N4BP2L1: variants seen among roughly 807,000 people sequenced by gnomAD.
N4BP2L1 encodes the protein NEDD4-binding protein 2-like 1.
In N4BP2L1, 12 loss-of-function variants were observed where a neutral mutation model predicts 21.2. That is an observed-to-expected ratio of 0.57 (90% CI 0.36 to 0.92). The LOEUF (loss-of-function observed/expected upper bound fraction) is 0.92, where lower values mean the gene tolerates loss of function less well. Among genes scored for constraint, N4BP2L1 ranks in the 40% least tolerant of loss-of-function variants. N4BP2L1 has a pLI of 0.01. For synonymous variants in N4BP2L1, 104 were observed against 112.8 expected (o/e 0.92, Z 0.49); for missense variants, 259 against 310.6 (o/e 0.83, Z 1.25).
chr13:32,422,070 A>T (rs915252805), intron 1 of N4BP2L1, among the ~76,000 whole-genome samples: 15 of 152,250 alleles, frequency 9.9e-5, no homozygotes, highest in African/African-American at 3.4e-4. Context: ...CAGGATAAAT[A>T]TGGAAACGTA....
Position 32,402,811 on chromosome 13 carries a change from CTT to C in N4BP2L1, c.*129_*130del. Reference sequence around the variant, plus strand: ...TTGGTGAAGAAAGTGAATATAATGACTTTGCTCAGAAACTTTTGAGTTCAGCT... The same window carrying C: ...TTGGTGAAGAAAGTGAATATAATGACTGCTCAGAAACTTTTGAGTTCAGCT... On this transcript the variant is annotated 3_prime_UTR_variant, in exon 5 of 5. Coordinates refer to ENST00000380130, the MANE Select transcript of N4BP2L1 (RefSeq NM_052818.3). The C allele has an allele frequency of 1.4e-6, 2 of 1,423,180 alleles. No individual in the cohort carries two copies. The highest frequency in any genetic ancestry group is 1.8e-6 in the Non-Finnish European group (2 of 1,085,548). 88.2% of individuals were successfully genotyped at this position (1,423,180 alleles called of 1,614,324 possible). A position where few individuals can be genotyped will look rare whatever the true frequency, so the allele number is the denominator to read the frequency against.
chr13:32,417,910 G>A (rs1057292854), intron 1 of N4BP2L1, among the ~76,000 whole-genome samples: 2 of 152,182 alleles, frequency 1.3e-5, no homozygotes, highest in Admixed American at 1.3e-4. Flanking sequence ...ACAATTTAGG[G>A]TATCTGGTTG....
At chr13:32,407,040 T>C in intron 3 of N4BP2L1, 2 of 573,320 alleles carry the variant, frequency 3.5e-6, no homozygotes, top group Non-Finnish European at 6.2e-6. Flanking sequence ...ATTTTTAAAT[T>C]GTATCCTCAA....
intron 1 of N4BP2L1, among the ~76,000 whole-genome samples, chr13:32,415,277 A>T (rs1356790565): frequency 2.6e-5 from 4 of 152,178 alleles, no homozygotes; most frequent in African/African-American, 9.7e-5. Context: ...GGGCCCTGAA[A>T]ACTAGTTTTA....
At chr13:32,421,488 G>C (rs1299605161) in intron 1 of N4BP2L1, among the ~76,000 whole-genome samples, 1 of 152,160 alleles carries the variant, frequency 6.6e-6, no homozygotes, top group Non-Finnish European at 1.5e-5. Context: ...AACTTCCCTA[G>C]TAATATAAGA....
In N4BP2L1 at chr13:32,428,038, C is replaced by A; in HGVS notation, c.45G>T (p.Gln15His). 6.5e-7 allele frequency: 1 copy of A among 1,543,242 alleles called. No homozygotes were observed. Among genetic ancestry groups the A allele is most frequent in the Non-Finnish European group, 8.7e-7 (1 of 1,148,132 alleles). Residue 15 changes from glutamine (Q) to histidine (H), a missense_variant, in exon 1 of 5, where the codon CAG (glutamine) becomes CAT (histidine). By Grantham distance (24) the Gln-to-His change is conservative. Coordinates refer to ENST00000380130, the MANE Select transcript of N4BP2L1 (RefSeq NM_052818.3). ...FLQSFGRLSL[Q>H]PQQQQQRQRP... ...GCTGCCGCTGCTGCTGCTGCTGGGG[C>A]TGGAGGCTCAGCCTCCCAAAAGATT...
rs1250817614 is a variant in N4BP2L1 at position 32,402,990 on chromosome 13, T to C, written c.684A>G (p.Thr228=). ...FPNRRAHGGF[T]NESSYHRRGG... ...CCCTTCTGTGATAGGAGCTCTCATT[T>C]GTAAATCCACCGTGGGCCCTCCGGT... The change falls in exon 5 of 5, where the codon ACA becomes ACG. Residue 228 remains threonine (T), a synonymous_variant. Transcript: ENST00000380130. 6.2e-7 allele frequency: 1 copy of C among 1,613,988 alleles called. No individual in the cohort carries two copies. The highest frequency in any genetic ancestry group is 2.2e-5 in the East Asian group (1 of 44,878).
In N4BP2L1 at chr13:32,400,920, G is replaced by C. The variant is rs1434403388; in HGVS notation, c.*2022C>G. 2.0e-5 allele frequency: 3 copies of C among 152,202 alleles called. No homozygotes were observed. Among genetic ancestry groups the C allele is most frequent in the African/African-American group, 7.2e-5 (3 of 41,444 alleles). 9.4% of individuals were successfully genotyped at this position (152,202 alleles called of 1,614,324 possible). ...ACTTCTACAGGGGATAAAGTTGATGGCATTTAATCAATTTTTATGGTTTAC... is the reference window on the plus strand; with the variant it reads ...ACTTCTACAGGGGATAAAGTTGATGCCATTTAATCAATTTTTATGGTTTAC... On this transcript the variant is annotated 3_prime_UTR_variant, in exon 5 of 5. Transcript: ENST00000380130.
At chr13:32,404,686 G>A (rs1252014228) in intron 3 of N4BP2L1, among the ~76,000 whole-genome samples, 2 of 150,976 alleles carry the variant, frequency 1.3e-5, no homozygotes, top group African/African-American at 2.4e-5. Flanking sequence ...AGTTTAAAAC[G>A]TCCTGAACAC....
chr13:32,427,970 T>C lies in N4BP2L1; in HGVS notation c.113A>G (p.His38Arg). The C allele has an allele frequency of 6.5e-7, 1 of 1,549,066 alleles. No individual in the cohort carries two copies. Among genetic ancestry groups the C allele is most frequent in the Non-Finnish European group, 8.7e-7 (1 of 1,148,380 alleles). ...GAGGTAGAGGTGTTTCCTAAAGCTG[T>C]GGCGGCGAGGAGGTGTCCCCCGCGG... ...PPPRGTPPRR[H>R]SFRKHLYLLR... is the part of the protein sequence containing the mutation. Residue 38 changes from histidine to arginine, a missense_variant, in exon 1 of 5, where the codon CAC (histidine) becomes CGC (arginine). His to Arg is a conservative substitution (Grantham distance 29). Around this residue, in one of 3 missense-constraint regions of N4BP2L1, gnomAD observed 60 missense variants for 54.7 expected, o/e 1.10. Transcript: ENST00000380130.
At chr13:32,403,364 A>G (rs542565202) in intron 4 of N4BP2L1, among the ~76,000 whole-genome samples, 164 bp from the exon 5 acceptor site, 1 of 152,060 alleles carries the variant, frequency 6.6e-6, no homozygotes, top group Admixed American at 6.5e-5. Flanking sequence ...TTCAGCCTCC[A>G]CTCATGTTTT....
At chr13:32,405,877 T>C (rs2073450147) in intron 3 of N4BP2L1, among the ~76,000 whole-genome samples, 1 of 149,778 alleles carries the variant, frequency 6.7e-6, no homozygotes, top group Non-Finnish European at 1.5e-5. Context: ...TACTCCACTA[T>C]CTGCTTCCTG....
chr13:32,424,229 A>T (rs898957617), intron 1 of N4BP2L1, among the ~76,000 whole-genome samples: 2 of 152,246 alleles, frequency 1.3e-5, no homozygotes, highest in Non-Finnish European at 2.9e-5. Context: ...ACTTCAATCA[A>T]GCCCGGGAGC....
chr13:32,415,156 A>G (rs533694408), intron 1 of N4BP2L1, among the ~76,000 whole-genome samples: 1 of 152,212 alleles, frequency 6.6e-6, no homozygotes, highest in Admixed American at 6.5e-5. Context: ...ACATGGACCC[A>G]GGAGTCTAGC....
At chr13:32,407,829 A>G in intron 1 of N4BP2L1, 57 bp from the exon 2 acceptor site, 2 of 1,499,098 alleles carry the variant, frequency 1.3e-6, no homozygotes, top group South Asian at 2.7e-5. Flanking sequence ...TAGTCTCAGT[A>G]GAAATAATCT....
In N4BP2L1 at chr13:32,402,957, A is replaced by C. The variant is rs769161117; in HGVS notation, c.717T>G (p.Cys239Trp). ...AGATAGGCCTCTAATATCCATGGTG[A>C]CAACCGCCCCTTCTGTGATAGGAGC... ...NESSYHRRGG[C>W]HHGY is the part of the protein sequence containing the mutation. The change falls in exon 5 of 5, where the codon TGT (cysteine) becomes TGG (tryptophan). Residue 239 changes from cysteine (C) to tryptophan (W), a missense_variant. This residue lies in a region of N4BP2L1 where 108 missense variants were observed against 107.8 expected (regional missense o/e 1.00). Transcript: ENST00000380130. 40 of 1,601,454 alleles carry C rather than the reference A, an allele frequency of 2.5e-5. No individual in the cohort carries two copies. Among genetic ancestry groups the C allele is most frequent in the Non-Finnish European group, 3.2e-5 (38 of 1,171,824 alleles).
At chr13:32,413,493 CATA>C (rs1183515696) in intron 1 of N4BP2L1, among the ~76,000 whole-genome samples, 1 of 152,176 alleles carries the variant, frequency 6.6e-6, no homozygotes, top group African/African-American at 2.4e-5. Context: ...TCTGATTGCA[CATA>C]ATGACAGTCT....
intron 1 of N4BP2L1, among the ~76,000 whole-genome samples, chr13:32,409,110 A>G (rs549910283): frequency 6.6e-6 from 1 of 152,368 alleles, no homozygotes; most frequent in East Asian, 1.9e-4. Context: ...TTTCTACGCC[A>G]CAGTAATAAA....
At chr13:32,407,409 C>T (rs922460791) in intron 2 of N4BP2L1, 71 bp from the exon 3 acceptor site, 6 of 1,610,380 alleles carry the variant, frequency 3.7e-6, no homozygotes, top group East Asian at 2.2e-5. Context: ...AATCTCTATT[C>T]GTCATTTTTA....
Sources: allele counts gnomAD v4.1 joint callset (sites outside exome capture counted in the v4.1 genomes callset), GRCh38; gene constraint gnomAD v4.1.1; regional missense constraint gnomAD v4.1.1; transcripts MANE v1.5; gene names NCBI Gene and HGNC (gene_info 2026-07-23, HGNC 2026-07-21).